Variants in ANO10 observed in about 807,000 individuals in gnomAD.
ANO10 encodes anoctamin 10.
Under a neutral mutation model 74.7 loss-of-function variants are expected in ANO10, and 77 were observed. The observed-to-expected ratio is 1.03, with a 90% CI of 0.86 to 1.25. ANO10 has a LOEUF of 1.25. Ranked by LOEUF, ANO10 falls within the 50% of genes most tolerant of loss-of-function variation. The pLI is 0.00. For missense variants in ANO10, 721 were observed against 778.1 expected, an observed-to-expected ratio of 0.93 and a Z score of 0.87; for synonymous variants, 279 against 284.9, an observed-to-expected ratio of 0.98 and a Z score of 0.21.
chr3:43,581,540 G>A (rs1458706754), intron 4 of ANO10, among the ~76,000 whole-genome samples: 1 of 152,172 alleles, frequency 6.6e-6, no homozygotes, highest in African/African-American at 2.4e-5. Context: ...GAACTCAAAT[G>A]CAGTGCCTTG....
At chr3:43,683,992 G>A (rs2084239451) in intron 1 of ANO10, among the ~76,000 whole-genome samples, 1 of 152,106 alleles carries the variant, frequency 6.6e-6, no homozygotes, top group Non-Finnish European at 1.5e-5. Flanking sequence ...AGAAAACCTA[G>A]GCAATAGCAT....
chr3:43,500,576 T>G (rs990508885), intron 11 of ANO10, among the ~76,000 whole-genome samples: 1 of 152,186 alleles, frequency 6.6e-6, no homozygotes, highest in African/African-American at 2.4e-5. Flanking sequence ...TACTAAAATG[T>G]GGGAGAAGTT....
intron 4 of ANO10, among the ~76,000 whole-genome samples, chr3:43,594,194 C>G (rs1373148214): frequency 6.6e-6 from 1 of 152,196 alleles, no homozygotes; most frequent in Non-Finnish European, 1.5e-5. Flanking sequence ...CAACATTAGA[C>G]AGATCCACGA....
chr3:43,561,499 G>A, intron 8 of ANO10, 97 bp from the exon 9 acceptor site: 1 of 1,064,744 alleles, frequency 9.4e-7, no homozygotes, highest in Non-Finnish European at 1.4e-6. Context: ...AGTATTTATA[G>A]CATAAATACA....
chr3:43,406,344 C>T (rs1383910903), intron 12 of ANO10, among the ~76,000 whole-genome samples: 2 of 152,220 alleles, frequency 1.3e-5, no homozygotes, highest in East Asian at 3.8e-4. Flanking sequence ...TGTTCTCACT[C>T]ACCACATTCA....
intron 12 of ANO10, among the ~76,000 whole-genome samples, chr3:43,415,407 A>G (rs763492076): frequency 7.9e-5 from 12 of 152,152 alleles, no homozygotes; most frequent in Non-Finnish European, 1.6e-4. Flanking sequence ...ATCAACACCA[A>G]GACACACAAA....
At chr3:43,436,081 T>C (rs890971845) in intron 11 of ANO10, among the ~76,000 whole-genome samples, 1 of 152,196 alleles carries the variant, frequency 6.6e-6, no homozygotes. Flanking sequence ...AAGTTAAGCA[T>C]CATTAAGGAA....
chr3:43,390,901 C>T (rs762548405), intron 12 of ANO10, among the ~76,000 whole-genome samples: 12 of 152,196 alleles, frequency 7.9e-5, no homozygotes, highest in Non-Finnish European at 1.8e-4. Flanking sequence ...TCTCAGGTCC[C>T]ACTTGCAATT....
In ANO10 at chr3:43,679,304, G is replaced by T. The variant is rs549353159; in HGVS notation, c.-12+12213C>A. Among the ~76,000 whole-genome samples the T allele has an allele frequency of 5.8e-4, 88 of 152,346 alleles. 1 individual carries two copies. The highest frequency in any genetic ancestry group is 2.0e-3 in the African/African-American group (85 of 41,578). On this transcript the variant is annotated intron_variant, in intron 1 of 3. Coordinates refer to the ANO10 transcript ENST00000413397. ...CACCAGGAGATTATATCCCGTGCAT[G>T]GCTCGGAGGGTCCTACGCCCACGGA...
chr3:43,404,692 G>C (rs939304685), intron 12 of ANO10, among the ~76,000 whole-genome samples: 1 of 151,806 alleles, frequency 6.6e-6, no homozygotes, highest in African/African-American at 2.4e-5. Context: ...GACCAGTCTA[G>C]GCAACATAAA....
At chr3:43,598,113 C>G (rs2082174328) in intron 4 of ANO10, among the ~76,000 whole-genome samples, 1 of 152,182 alleles carries the variant, frequency 6.6e-6, no homozygotes, top group Non-Finnish European at 1.5e-5. Context: ...TGAAATCACA[C>G]AAAACCAAAA....
intron 11 of ANO10, among the ~76,000 whole-genome samples, chr3:43,445,855 A>G (rs901769140): frequency 6.6e-6 from 1 of 152,038 alleles, no homozygotes; most frequent in Non-Finnish European, 1.5e-5. Flanking sequence ...GTGCACCACC[A>G]TACCCAGCTA....
intron 11 of ANO10, among the ~76,000 whole-genome samples, chr3:43,486,101 C>T (rs996570260): frequency 1.3e-5 from 2 of 152,216 alleles, no homozygotes; most frequent in African/African-American, 4.8e-5. Flanking sequence ...GCAGCCAGGG[C>T]TTCCCTTTCT....
At chr3:43,661,324 G>C (rs1214204457) in intron 1 of ANO10, among the ~76,000 whole-genome samples, 1 of 152,202 alleles carries the variant, frequency 6.6e-6, no homozygotes, top group Non-Finnish European at 1.5e-5. Context: ...AAGTGAAGGA[G>C]AAATAAAATG....
rs145281193 is a variant in ANO10, at chr3:43,691,020, T to A, written c.-12+497A>T. 20 of 1,564,430 alleles carry A rather than the reference T, an allele frequency of 1.3e-5. No homozygotes were observed. The African/African-American group carries it at 2.8e-4, about 22-fold the overall frequency. ...GGCGGCGGAGGAGGAGGAGGTGGAC[T>A]CTGCCGACACCGGAGAGAGGTAAGC... On this transcript the variant is annotated intron_variant, in intron 1 of 3. Transcript: ENST00000413397.
rs969252656 is a variant in ANO10, at chr3:43,549,799, A to G, written c.1718T>C (p.Leu573Pro). The G allele has an allele frequency of 6.2e-7, 1 of 1,614,064 alleles. No homozygotes were observed. The highest frequency in any genetic ancestry group is 8.5e-7 in the Non-Finnish European group (1 of 1,179,898). ...SVISVVTNCA[L>P]IGMSPQVNAV... ...ATTCACTTGTGGTGACATTCCAATC[A>G]GCGCACAGTTAGTGACCACAGATAT... is the stretch of plus-strand genomic sequence containing the variant. Residue 573 changes from leucine (L) to proline (P), a missense_variant, in exon 11 of 13, where the codon CTG (leucine) becomes CCG (proline). Transcript: ENST00000292246.
intron 11 of ANO10, among the ~76,000 whole-genome samples, chr3:43,524,012 G>A (rs1390436251): frequency 6.6e-6 from 1 of 152,142 alleles, no homozygotes; most frequent in Admixed American, 6.5e-5. Flanking sequence ...TGGAAGCCAT[G>A]GGGTAGATAA....
intron 12 of ANO10, among the ~76,000 whole-genome samples, chr3:43,419,132 G>A (rs1218104527): frequency 6.6e-6 from 1 of 152,224 alleles, no homozygotes; most frequent in Non-Finnish European, 1.5e-5. Flanking sequence ...CTGGCTGGCT[G>A]AGTGTCCTCA....
At chr3:43,481,568 C>G (rs1029167348) in intron 11 of ANO10, among the ~76,000 whole-genome samples, 1 of 152,102 alleles carries the variant, frequency 6.6e-6, no homozygotes, top group Non-Finnish European at 1.5e-5. Context: ...CCCAGCTGAC[C>G]AGCATTAACA....
Sources: gnomAD v4.1 joint callset for allele counts (sites outside exome capture counted in the v4.1 genomes callset) on GRCh38, gnomAD v4.1.1 for gene constraint, MANE v1.5 for transcripts, NCBI Gene and HGNC (gene_info 2026-07-23, HGNC 2026-07-21) for gene names.